The following ELMOD3 variants were observed in gnomAD, a reference collection of about 807,000 sequenced individuals.
ELMOD3 encodes the protein ELMO domain containing 3.
In ELMOD3, 36 loss-of-function variants were observed where a neutral mutation model predicts 47.4. That is an observed-to-expected ratio of 0.76 (90% CI 0.58 to 1.00). ELMOD3 has a LOEUF of 1.00. ELMOD3 is among the 50% of genes least tolerant of loss of function. The probability of loss-of-function intolerance (pLI) is 0.00; values close to 1 mark genes in which losing one functional copy is unlikely to be tolerated. For missense variants in ELMOD3, 404 were observed against 463.8 expected (o/e 0.87, Z 1.18); for synonymous variants, 149 against 183.5 (o/e 0.81, Z 1.52).
chr2:85,361,639 T>C (rs2104503912), intron 4 of ELMOD3, among the ~76,000 whole-genome samples: 1 of 151,820 alleles, frequency 6.6e-6, no homozygotes, highest in Non-Finnish European at 1.5e-5. Flanking sequence ...TATTGGAAAG[T>C]GGAGGGTTGG....
chr2:85,387,021 A>C lies in ELMOD3; in HGVS notation c.739-2730A>C, dbSNP rs916679612. 7 of 1,252,866 alleles carry C rather than the reference A, an allele frequency of 5.6e-6. No homozygotes were observed. The Admixed American group carries it at 1.3e-4, about 24-fold the overall frequency. The allele number at this position is 1,252,866 out of a possible 1,614,324, so 77.6% of individuals were successfully genotyped here. On this transcript the variant is annotated intron_variant, in intron 11 of 13. Transcript: ENST00000409013. ...CCGTCTCAAAAAAAGAATGTTCCTG[A>C]GAATGGATGAACACTAAGTTCAGGT...
chr2:85,384,162 A>AG (rs1685768765), intron 11 of ELMOD3, among the ~76,000 whole-genome samples: 1 of 152,240 alleles, frequency 6.6e-6, no homozygotes, highest in Admixed American at 6.5e-5. Flanking sequence ...CAGTGAGCAG[A>AG]GGGGTAACTT....
chr2:85,370,419 TA>T (rs569181155), intron 8 of ELMOD3, among the ~76,000 whole-genome samples: 340 of 121,260 alleles, frequency 2.8e-3, no homozygotes, highest in Middle Eastern at 8.5e-3. Context: ...CCTGTCTCCG[TA>T]AAAAAAAAAA....
intron 11 of ELMOD3, among the ~76,000 whole-genome samples, chr2:85,383,832 T>C (rs1471427543): frequency 2.6e-5 from 4 of 152,212 alleles, no homozygotes; most frequent in Non-Finnish European, 5.9e-5. Context: ...GAGACAGGTC[T>C]CAGTTAATTT....
chr2:85,391,089 T>G lies in ELMOD3; in HGVS notation c.*127T>G. 1.0e-6 allele frequency: 1 copy of G among 966,724 alleles called. No individual in the cohort carries two copies. The highest frequency in any genetic ancestry group is 1.5e-6 in the Non-Finnish European group (1 of 658,640). 59.9% of individuals were successfully genotyped at this position (966,724 alleles called of 1,614,324 possible). On this transcript the variant is annotated 3_prime_UTR_variant, in exon 14 of 14. Transcript: ENST00000409013. Reference sequence around the variant, plus strand: ...CAGCAGATGGGATATAGGAAGCTCCTGGGCTTAGCTGTGGGAAGCCAAGTA... The same window carrying G: ...CAGCAGATGGGATATAGGAAGCTCCGGGGCTTAGCTGTGGGAAGCCAAGTA...
At chr2:85,371,364 C>A (rs1350902776) in intron 9 of ELMOD3, 76 bp from the exon 10 acceptor site, 2 of 1,603,550 alleles carry the variant, frequency 1.2e-6, no homozygotes, top group South Asian at 1.1e-5. Flanking sequence ...CAGTCCAGAT[C>A]TCACATTCTC....
chr2:85,362,000 G>A (rs560074571), intron 4 of ELMOD3, among the ~76,000 whole-genome samples, 186 bp from the exon 5 acceptor site: 1 of 151,676 alleles, frequency 6.6e-6, no homozygotes, highest in Non-Finnish European at 1.5e-5. Context: ...GTGGGTACTA[G>A]GTCAAATACC....
chr2:85,390,097 T>C, intron 12 of ELMOD3, 41 bp from the exon 13 acceptor site: 1 of 1,580,434 alleles, frequency 6.3e-7, no homozygotes, highest in South Asian at 1.1e-5. Context: ...GTCTCAGCCT[T>C]CATCCACCGC....
At position 85,362,278 on chromosome 2, in the gene ELMOD3, CT is replaced by C; in HGVS notation, c.129+20del. 6.9e-7 allele frequency: 1 copy of C among 1,453,482 alleles called. No individual in the cohort carries two copies. The highest frequency in any genetic ancestry group is 9.7e-7 in the Non-Finnish European group (1 of 1,033,504). The allele number at this position is 1,453,482 out of a possible 1,614,324, so 90.0% of individuals were successfully genotyped here. A position where few individuals can be genotyped will look rare whatever the true frequency, so the allele number is the denominator to read the frequency against. ...GAATCCCTGTATGTATCACCCACAACTTGGTACCTTCTGCCAGGGCTTTTGT... is the reference window on the plus strand; with the variant it reads ...GAATCCCTGTATGTATCACCCACAACTGGTACCTTCTGCCAGGGCTTTTGT... On this transcript the variant is annotated intron_variant, in intron 5 of 13. Coordinates refer to ENST00000409013, the MANE Select transcript of ELMOD3 (RefSeq NM_001135022.2).
At chr2:85,389,730 C>G (rs1364119226) in intron 11 of ELMOD3, 21 bp from the exon 12 acceptor site, 1 of 1,610,958 alleles carries the variant, frequency 6.2e-7, no homozygotes. Context: ...TTGCTGCTGA[C>G]TGGGTGCCCC....
At position 85,390,766 on chromosome 2, in the gene ELMOD3, A is replaced by C. The variant is rs904192018; in HGVS notation, c.950A>C (p.Glu317Ala). 2 of 1,550,782 alleles carry C rather than the reference A, an allele frequency of 1.3e-6. No homozygotes were observed. Among genetic ancestry groups the C allele is most frequent in the East Asian group, 2.4e-5 (1 of 40,896 alleles). The change falls in exon 14 of 14, where the codon GAA becomes GCA. Residue 317 changes from glutamate to alanine, a missense_variant. Physicochemically the swap from Glu to Ala is moderately radical, Grantham distance 107 (BLOSUM62 -1). Coordinates refer to ENST00000409013, the MANE Select transcript of ELMOD3 (RefSeq NM_001135022.2). ...SDSGFVLKEL[E>A]VLAKKSPRRL... ...CCAATTCTCTCTGTTGCAGAGTTGGAAGTATTGGCCAAGAAGAGCCCACGG... is the reference window on the plus strand; with the variant it reads ...CCAATTCTCTCTGTTGCAGAGTTGGCAGTATTGGCCAAGAAGAGCCCACGG...
In ELMOD3 at chr2:85,354,789, C is replaced by T. The variant is rs187310552; in HGVS notation, c.-412C>T. 125 of 328,372 alleles carry T rather than the reference C, an allele frequency of 3.8e-4. No homozygotes were observed. Among genetic ancestry groups the T allele is most frequent in the African/African-American group, 2.5e-3 (116 of 46,472 alleles). 20.3% of individuals were successfully genotyped at this position (328,372 alleles called of 1,614,324 possible). A position where few individuals can be genotyped will look rare whatever the true frequency, so the allele number is the denominator to read the frequency against. ...TGCGCATGAGCAGATGAGGCCTAGC[C>T]GAGGCGGCGGGACCCCCAAGTTTGG... On this transcript the variant is annotated 5_prime_UTR_variant, in exon 1 of 14. It introduces an in-frame stop codon into an upstream open reading frame of the 5' UTR. Coordinates refer to ENST00000409013, the MANE Select transcript of ELMOD3 (RefSeq NM_001135022.2).
At chr2:85,357,364 G>A in intron 4 of ELMOD3, 112 bp downstream of exon 4, 1 of 594,860 alleles carries the variant, frequency 1.7e-6, no homozygotes, top group South Asian at 2.7e-5. Context: ...CCTCATTATA[G>A]TTCTCTTTGT....
intron 11 of ELMOD3, among the ~76,000 whole-genome samples, chr2:85,386,181 C>T (rs1481565123): frequency 6.6e-6 from 1 of 152,052 alleles, no homozygotes; most frequent in Non-Finnish European, 1.5e-5. Flanking sequence ...GTTTCTAAGC[C>T]CAAACGTGAG....
chr2:85,381,978 G>C (rs892964359), intron 11 of ELMOD3, among the ~76,000 whole-genome samples: 1 of 151,180 alleles, frequency 6.6e-6, no homozygotes. Context: ...TTAGCTGGGC[G>C]TGGTGGCGGG....
chr2:85,375,147 G>C (rs948856901), intron 10 of ELMOD3, among the ~76,000 whole-genome samples: 1 of 152,080 alleles, frequency 6.6e-6, no homozygotes, highest in African/African-American at 2.4e-5. Flanking sequence ...GTGTCATTGT[G>C]TGGATTTATT....
chr2:85,354,926 A>G (rs1334770022), intron 1 of ELMOD3, 97 bp downstream of exon 1: 2 of 168,192 alleles, frequency 1.2e-5, no homozygotes, highest in African/African-American at 2.4e-5. Flanking sequence ...TCCGGTGGAA[A>G]TTATCACTAT....
chr2:85,365,063 C>A (rs575923979), intron 6 of ELMOD3, among the ~76,000 whole-genome samples: 23 of 149,346 alleles, frequency 1.5e-4, no homozygotes, highest in Admixed American at 4.7e-4. Flanking sequence ...CCCACTTTGG[C>A]CTCTCAAAGT....
chr2:85,363,001 A>G (rs1043522049), intron 5 of ELMOD3, 96 bp from the exon 6 acceptor site: 1 of 737,654 alleles, frequency 1.4e-6, no homozygotes, highest in Non-Finnish European at 2.4e-6. Flanking sequence ...TTTGGCCTCC[A>G]GTGTCAAGGA....
Sources: gnomAD v4.1 joint callset for allele counts (sites outside exome capture counted in the v4.1 genomes callset) on GRCh38, gnomAD v4.1.1 for gene constraint, MANE v1.5 for transcripts, NCBI Gene and HGNC (gene_info 2026-07-23, HGNC 2026-07-21) for gene names.